The following DLG2 variants were observed in gnomAD, a reference collection of about 807,000 sequenced individuals.
The protein encoded by DLG2 is discs large MAGUK scaffold protein 2.
A neutral mutation model predicts 132.5 loss-of-function variants in DLG2; 45 were observed. That is an observed-to-expected ratio of 0.34 (90% CI 0.27 to 0.44). The LOEUF is 0.44. DLG2 is among the 20% of genes least tolerant of loss of function. The pLI is 1.00. For synonymous variants in DLG2, 424 were observed against 419.6 expected (o/e 1.01, Z -0.13); for missense variants, 1,045 against 1,196.9 (o/e 0.87, Z 1.87).
intron 11 of DLG2, among the ~76,000 whole-genome samples, chr11:84,019,940 G>A (rs779806667): frequency 2.0e-4 from 31 of 152,150 alleles, no homozygotes; most frequent in Non-Finnish European, 4.1e-4. Context: ...GTGGTACTTT[G>A]TTATGGCAGC....
At chr11:83,693,035 A>G (rs2081254267) in intron 18 of DLG2, 1 of 152,250 alleles carries the variant, frequency 6.6e-6, no homozygotes, top group Non-Finnish European at 1.5e-5. Context: ...AGAGTTGCCC[A>G]TTAGCCAAGA....
chr11:83,638,293 G>T (rs983027159), intron 18 of DLG2, among the ~76,000 whole-genome samples: 5 of 152,188 alleles, frequency 3.3e-5, no homozygotes, highest in African/African-American at 1.2e-4. Context: ...ATAGTAAAAA[G>T]TGTACAAGAT....
intron 4 of DLG2, among the ~76,000 whole-genome samples, chr11:85,191,817 G>A (rs1353453195): frequency 6.6e-6 from 1 of 152,094 alleles, no homozygotes; most frequent in Non-Finnish European, 1.5e-5. Flanking sequence ...CTTCTTATAA[G>A]TCTACTAAGA....
At chr11:85,491,255 G>A (rs921854213) in intron 3 of DLG2, among the ~76,000 whole-genome samples, 1 of 152,014 alleles carries the variant, frequency 6.6e-6, no homozygotes, top group African/African-American at 2.4e-5. Context: ...ATTAGGCATA[G>A]AAGAAGCATA....
intron 6 of DLG2, among the ~76,000 whole-genome samples, chr11:84,855,369 T>C (rs1391832423): frequency 2.0e-5 from 3 of 152,094 alleles, no homozygotes; most frequent in East Asian, 3.9e-4. Flanking sequence ...ACAGAATTGC[T>C]ATTTTAATGT....
chr11:84,197,285 A>G (rs1275986043), intron 8 of DLG2, among the ~76,000 whole-genome samples: 1 of 152,154 alleles, frequency 6.6e-6, no homozygotes, highest in Non-Finnish European at 1.5e-5. Context: ...CTCTTACATT[A>G]TGCCATTTTT....
chr11:83,931,246 C>G (rs1386353715), intron 14 of DLG2, among the ~76,000 whole-genome samples: 1 of 152,184 alleles, frequency 6.6e-6, no homozygotes, highest in Non-Finnish European at 1.5e-5. Context: ...CCTATGACCA[C>G]TTGGAGAAAT....
chr11:84,063,876 C>T (rs1341681383), intron 10 of DLG2, among the ~76,000 whole-genome samples: 1 of 151,078 alleles, frequency 6.6e-6, no homozygotes, highest in Non-Finnish European at 1.5e-5. Flanking sequence ...AAAAACCAAA[C>T]ACTGCATGAT....
chr11:84,373,183 A>C (rs1045517806), intron 7 of DLG2, among the ~76,000 whole-genome samples: 4 of 145,736 alleles, frequency 2.7e-5, no homozygotes, highest in African/African-American at 1.0e-4. Flanking sequence ...CCAGACGACT[A>C]TCTGGATGAT....
At chr11:84,306,580 A>G (rs2098221384) in intron 7 of DLG2, among the ~76,000 whole-genome samples, 1 of 152,212 alleles carries the variant, frequency 6.6e-6, no homozygotes, top group Admixed American at 6.5e-5. Context: ...TGTTTGTAAA[A>G]TTGAGTTTGA....
At chr11:84,711,268 C>G (rs946044464) in intron 6 of DLG2, among the ~76,000 whole-genome samples, 3 of 149,268 alleles carry the variant, frequency 2.0e-5, no homozygotes, top group African/African-American at 7.4e-5. Context: ...ATGACAGAGC[C>G]AGGCATCTCA....
chr11:84,205,980 T>A (rs542824288), intron 8 of DLG2, among the ~76,000 whole-genome samples: 24 of 151,970 alleles, frequency 1.6e-4, no homozygotes, highest in Non-Finnish European at 2.2e-4. Flanking sequence ...AATTCCAATA[T>A]CAGGAATAAA....
intron 6 of DLG2, among the ~76,000 whole-genome samples, chr11:85,009,586 C>T (rs143896434): frequency 6.6e-6 from 1 of 152,094 alleles, no homozygotes; most frequent in Non-Finnish European, 1.5e-5. Context: ...TCCTCAAATT[C>T]ATTTAATGTA....
At chr11:84,896,860 T>G (rs867234203) in intron 6 of DLG2, among the ~76,000 whole-genome samples, 1 of 151,886 alleles carries the variant, frequency 6.6e-6, no homozygotes, top group Non-Finnish European at 1.5e-5. Context: ...CAAGTATGTA[T>G]GTATGCATAG....
At chr11:84,842,228 CATTATTCAAAATACTTTACCTGAATT>C (rs1255662771) in intron 6 of DLG2, among the ~76,000 whole-genome samples, 1 of 152,072 alleles carries the variant, frequency 6.6e-6, no homozygotes, top group East Asian at 1.9e-4. Flanking sequence ...ATAAACCAGA[CATTATTCAAAATACTTTACCTGAATT>C]ATCTCTGCTT....
chr11:83,472,013 C>T (rs1425086402), intron 23 of DLG2, among the ~76,000 whole-genome samples: 4 of 152,082 alleles, frequency 2.6e-5, no homozygotes. Context: ...GCTCTGCCTA[C>T]ATAATGTCAA....
intron 6 of DLG2, among the ~76,000 whole-genome samples, chr11:84,788,423 C>T (rs1052693704): frequency 2.0e-5 from 3 of 152,150 alleles, no homozygotes; most frequent in South Asian, 2.1e-4. Context: ...TCTGTCACTG[C>T]GACCTAATAA....
chr11:83,704,120 C>G (rs1421891586), intron 18 of DLG2, among the ~76,000 whole-genome samples: 1 of 151,820 alleles, frequency 6.6e-6, no homozygotes, highest in Non-Finnish European at 1.5e-5. Flanking sequence ...AAAAAAATCC[C>G]AATAAAATAT....
rs377092219 is a variant in DLG2, at chr11:85,364,975, C to T, written c.41-79610G>A. Among the ~76,000 whole-genome samples the T allele has an allele frequency of 3.3e-5, 5 of 151,360 alleles. No homozygotes were observed. The East Asian group carries it at 7.7e-4, about 23-fold the overall frequency. Reference sequence around the variant, plus strand: ...TCCTAGAGAGGATTAGAATTATAGACGGGGGCAAGAAAGAATGCCAGTCAT... The same window carrying T: ...TCCTAGAGAGGATTAGAATTATAGATGGGGGCAAGAAAGAATGCCAGTCAT... On this transcript the variant is annotated intron_variant, in intron 3 of 27. Transcript: ENST00000376104.
Sources: gnomAD v4.1 joint callset for allele counts (sites outside exome capture counted in the v4.1 genomes callset) on GRCh38, gnomAD v4.1.1 for gene constraint, MANE v1.5 for transcripts, NCBI Gene and HGNC (gene_info 2026-07-23, HGNC 2026-07-21) for gene names.